Variants in AAMDC observed in about 807,000 individuals in gnomAD.
The protein encoded by AAMDC is adipogenesis associated Mth938 domain containing, also known as mth938 domain-containing protein.
In AAMDC, 16 loss-of-function variants were observed where a neutral mutation model predicts 15.5. That is an observed-to-expected ratio of 1.03 (90% CI 0.70 to 1.57). The LOEUF (loss-of-function observed/expected upper bound fraction) is 1.57, where lower values mean the gene tolerates loss of function less well. AAMDC is among the 40% of genes most tolerant of loss of function. AAMDC has a pLI of 0.00. For missense variants in AAMDC, 141 were observed against 144.9 expected, an observed-to-expected ratio of 0.97 and a Z score of 0.14; for synonymous variants, 51 against 51.6, an observed-to-expected ratio of 0.99 and a Z score of 0.05.
intron 1 of AAMDC, among the ~76,000 whole-genome samples, chr11:77,836,635 A>G (rs1565199042): frequency 1.3e-5 from 2 of 152,204 alleles, no homozygotes; most frequent in African/African-American, 4.8e-5. Context: ...GTCTCTCCTT[A>G]TATCACTTTT....
intron 1 of AAMDC, among the ~76,000 whole-genome samples, chr11:77,827,308 T>C (rs1949224841): frequency 6.6e-6 from 1 of 152,126 alleles, no homozygotes; most frequent in South Asian, 2.1e-4. Flanking sequence ...GGACAGATTT[T>C]CCTTAGTAGC....
downstream of AAMDC, among the ~76,000 whole-genome samples, chr11:77,872,777 A>T (rs1286769876): frequency 2.0e-5 from 3 of 152,112 alleles, no homozygotes; most frequent in Non-Finnish European, 4.4e-5. Flanking sequence ...GTGAAACCCC[A>T]TCTCTATTAA....
chr11:77,891,958 G>A (rs927622388), intron 5 of AAMDC: 1 of 1,535,862 alleles, frequency 6.5e-7, no homozygotes, highest in African/African-American at 1.4e-5. Flanking sequence ...AGAGGAGCTT[G>A]CAGTTTACGA....
In AAMDC at chr11:77,833,623, T is replaced by C. The variant is rs553412122; in HGVS notation, c.-18-8856T>C. Among the ~76,000 whole-genome samples, 72 of 152,194 alleles carry C rather than the reference T, an allele frequency of 4.7e-4. 2 individuals carry two copies. In the South Asian group the frequency reaches 0.014, roughly 29 times the overall value. ...CTGGTAGCAGGCCTGTACCCAGGGG[T>C]TGGGGACTCCTGCTCTATGAATCTT... On this transcript the variant is annotated intron_variant, in intron 1 of 3. Coordinates refer to ENST00000393427, the MANE Select transcript of AAMDC (RefSeq NM_024684.4).
downstream of AAMDC, among the ~76,000 whole-genome samples, chr11:77,904,346 G>A (rs1344272384): frequency 2.0e-5 from 3 of 152,184 alleles, no homozygotes; most frequent in Admixed American, 2.0e-4. Context: ...CGTAGCCACG[G>A]TTTTTAAATT....
At chr11:77,863,933 C>CT (rs113403404) in intron 2 of AAMDC, among the ~76,000 whole-genome samples, 2,271 of 148,104 alleles carry the variant, frequency 0.015, 57 homozygotes, top group African/African-American at 0.051. Context: ...AAGATGATCC[C>CT]TTTTTTTTTT....
In AAMDC at chr11:77,822,726, C is replaced by A. The variant is rs150641031; in HGVS notation, c.-19+1485C>A. Among the ~76,000 whole-genome samples the A allele has an allele frequency of 9.9e-4, 151 of 152,158 alleles. 2 individuals are homozygous for A. The highest frequency in any genetic ancestry group is 2.2e-4 in the Non-Finnish European group (15 of 67,992). On this transcript the variant is annotated intron_variant, in intron 1 of 3. Transcript: ENST00000393427. ...TCATAGTCTTGAGTGGTATACAAAC[C>A]GTTTTTAAAGGAAAAAAGTTCTTTT...
At chr11:77,857,107 C>T (rs545567149) in intron 2 of AAMDC, among the ~76,000 whole-genome samples, 101 of 152,300 alleles carry the variant, frequency 6.6e-4, no homozygotes, top group Admixed American at 1.0e-3. Flanking sequence ...TGCTTACTGG[C>T]GTTGTCTTTA....
At chr11:77,824,446 C>G (rs1476340852) in intron 1 of AAMDC, among the ~76,000 whole-genome samples, 1 of 152,078 alleles carries the variant, frequency 6.6e-6, no homozygotes, top group Non-Finnish European at 1.5e-5. Context: ...ATATTTTGCT[C>G]AATTAGAATT....
chr11:77,898,165 A>AATT (rs1372825276), intron 5 of AAMDC, among the ~76,000 whole-genome samples: 1 of 151,864 alleles, frequency 6.6e-6, no homozygotes, highest in Non-Finnish European at 1.5e-5. Flanking sequence ...AACTGGCCTA[A>AATT]ATTATTATTA....
At position 77,879,076 on chromosome 11, in the gene AAMDC, C is replaced by A; in HGVS notation, c.328+2027C>A. ...CTCCATCCAGGGGCATTTTGGAATG[C>A]GAGCACTGGAGTTGTAGGCCAGCAG... is the stretch of plus-strand genomic sequence containing the variant. On this transcript the variant is annotated intron_variant, in intron 5 of 5. Coordinates refer to the AAMDC transcript ENST00000304716. 6.2e-7 allele frequency: 1 copy of A among 1,614,076 alleles called. No individual in the cohort carries two copies. Among genetic ancestry groups the A allele is most frequent in the South Asian group, 1.1e-5 (1 of 91,080 alleles).
chr11:77,888,332 C>T (rs1173869311), intron 5 of AAMDC, among the ~76,000 whole-genome samples: 2 of 152,138 alleles, frequency 1.3e-5, no homozygotes, highest in Non-Finnish European at 2.9e-5. Flanking sequence ...GAAAGGATTC[C>T]CTATTTAATA....
intron 1 of AAMDC, chr11:77,829,774 T>C (rs1949336447): frequency 1.3e-5 from 2 of 152,174 alleles, no homozygotes; most frequent in South Asian, 2.1e-4. Context: ...AATTAAAAAC[T>C]TGTGTGCTTT....
chr11:77,892,739 C>T (rs773786995), intron 5 of AAMDC, among the ~76,000 whole-genome samples: 4 of 152,068 alleles, frequency 2.6e-5, no homozygotes, highest in South Asian at 2.1e-4. Flanking sequence ...CCCACCACCA[C>T]GCCCTACTAA....
chr11:77,855,192 T>C (rs1950562141), intron 2 of AAMDC, among the ~76,000 whole-genome samples: 1 of 152,250 alleles, frequency 6.6e-6, no homozygotes, highest in Non-Finnish European at 1.5e-5. Context: ...TGGGAGGAGC[T>C]ACTGTGAAGG....
chr11:77,849,475 C>T (rs554494328), intron 2 of AAMDC, among the ~76,000 whole-genome samples: 12 of 152,280 alleles, frequency 7.9e-5, no homozygotes, highest in African/African-American at 2.6e-4. Context: ...CTGCCCATCT[C>T]GGCCTCTCAA....
chr11:77,883,068 C>T (rs1372868466), intron 5 of AAMDC, among the ~76,000 whole-genome samples: 2 of 109,666 alleles, frequency 1.8e-5, no homozygotes, highest in Non-Finnish European at 3.6e-5. Flanking sequence ...AGCAAGACTC[C>T]GTCTCAAAAT....
In AAMDC at chr11:77,897,493, GTTA is replaced by G. The variant is rs369228479; in HGVS notation, c.329-3063_329-3061del. ...ATAATCAGCTGAAACAAACCTCCAA[GTTA>G]TTATTATTATTATTTTTTTTTTGAG... On this transcript the variant is annotated intron_variant, in intron 5 of 5. Coordinates refer to the AAMDC transcript ENST00000304716. 2.4e-3 allele frequency among the ~76,000 whole-genome samples: 356 copies of G among 150,858 alleles called. 4 individuals are homozygous for G. Among genetic ancestry groups the G allele is most frequent in the African/African-American group, 8.0e-3 (327 of 41,026 alleles).
intron 2 of AAMDC, chr11:77,851,535 A>C (rs1476822943): frequency 6.6e-6 from 1 of 152,064 alleles, no homozygotes; most frequent in African/African-American, 2.4e-5. Context: ...CTTTTGTTGA[A>C]ATGTAATCCC....
Sources: allele counts gnomAD v4.1 joint callset (sites outside exome capture counted in the v4.1 genomes callset), GRCh38; gene constraint gnomAD v4.1.1; transcripts MANE v1.5; gene names NCBI Gene and HGNC (gene_info 2026-07-23, HGNC 2026-07-21).